PHKA1: variants seen among roughly 807,000 people sequenced by gnomAD.
The protein encoded by PHKA1 is phosphorylase kinase regulatory subunit alpha 1.
PHKA1 carries 60 observed loss-of-function variants against 110.2 expected under a neutral mutation model. The observed-to-expected ratio is 0.54, with a 90% CI of 0.44 to 0.68. The LOEUF is 0.68. PHKA1 is among the 30% of genes least tolerant of loss of function. The pLI is 0.00. For synonymous variants in PHKA1, 316 were observed against 333.6 expected (o/e 0.95, Z 0.58); for missense variants, 801 against 942.5 (o/e 0.85, Z 1.97).
intron 5 of PHKA1, among the ~76,000 whole-genome samples, chrX:72,683,143 G>A (rs1288897042): frequency 8.9e-6 from 1 of 111,757 alleles, no homozygotes; most frequent in African/African-American, 3.3e-5. Context: ...TGGTTAGTAA[G>A]AAGTGGAAAA....
At position 72,656,158 on chromosome X, in the gene PHKA1, A is replaced by C; in HGVS notation, c.1003T>G (p.Phe335Val). Residue 335 changes from phenylalanine to valine, a missense_variant, in exon 10 of 32, where the codon TTT becomes GTT. By Grantham distance (50) the Phe-to-Val change is conservative. Around this residue, in one of 2 missense-constraint regions of PHKA1, gnomAD observed 299 missense variants for 423.3 expected, o/e 0.71. Transcript: ENST00000373542. ...ECEWPLFWTY[F>V]ILDGVFSGNA... ...CCACTGAAGACCCCATCAAGAATAA[A>C]GTATGTCCAGAACAATGGCCATTCA... 1 of 1,210,213 alleles carries C rather than the reference A, an allele frequency of 8.3e-7. No individual in the cohort carries two copies. The highest frequency in any genetic ancestry group is 1.8e-5 in the South Asian group (1 of 56,961).
chrX:72,606,220 T>C (rs1437405780), intron 23 of PHKA1, among the ~76,000 whole-genome samples: 1 of 111,794 alleles, frequency 8.9e-6, no homozygotes, highest in African/African-American at 3.3e-5. Context: ...ATGTATTCCT[T>C]CTTTAACCAA....
chrX:72,697,520 G>GA (rs1225563742), intron 3 of PHKA1, among the ~76,000 whole-genome samples: 6 of 103,249 alleles, frequency 5.8e-5, no homozygotes, highest in Non-Finnish European at 9.9e-5. Flanking sequence ...TTTTCTTTGA[G>GA]AAAAAAAAAC....
At chrX:72,602,629 T>C (rs1433320543) in intron 26 of PHKA1, among the ~76,000 whole-genome samples, 1 of 112,091 alleles carries the variant, frequency 8.9e-6, no homozygotes, top group African/African-American at 3.2e-5. Context: ...GCATGAGAGA[T>C]GACCACTTTT....
intron 28 of PHKA1, among the ~76,000 whole-genome samples, chrX:72,594,904 A>G (rs782206232): frequency 2.7e-5 from 3 of 112,514 alleles, no homozygotes; most frequent in African/African-American, 6.4e-5. Context: ...GCTCTTCACA[A>G]TCTCTTCCAG....
intron 14 of PHKA1, among the ~76,000 whole-genome samples, chrX:72,644,018 A>T (rs1246175515): frequency 1.8e-5 from 2 of 111,976 alleles, no homozygotes; most frequent in Admixed American, 9.5e-5. Flanking sequence ...CCTAAAAACA[A>T]GTTCCTTGGC....
intron 4 of PHKA1, among the ~76,000 whole-genome samples, chrX:72,685,337 C>T (rs781908922): frequency 9.0e-6 from 1 of 111,303 alleles, no homozygotes; most frequent in East Asian, 2.8e-4. Context: ...TATCTCCCCC[C>T]TCAAACATAC....
chrX:72,638,309 G>A (rs781888507), intron 14 of PHKA1, among the ~76,000 whole-genome samples: 1 of 106,371 alleles, frequency 9.4e-6, no homozygotes, highest in Non-Finnish European at 1.9e-5. Context: ...AGAGACTAAG[G>A]TGGGAGGATC....
intron 2 of PHKA1, 22 bp downstream of exon 2, chrX:72,712,757 T>C (rs1428144400): frequency 2.5e-6 from 3 of 1,199,685 alleles, no homozygotes; most frequent in Non-Finnish European, 3.4e-6. Flanking sequence ...TCCAGATCTC[T>C]TTGTATTTTT....
intron 4 of PHKA1, among the ~76,000 whole-genome samples, chrX:72,693,490 G>A (rs1231818032): frequency 8.9e-6 from 1 of 112,131 alleles, no homozygotes; most frequent in Non-Finnish European, 1.9e-5. Context: ...AGAGCTAGTG[G>A]TGAGAACAGT....
intron 21 of PHKA1, among the ~76,000 whole-genome samples, chrX:72,615,850 T>C (rs2052889321): frequency 9.1e-6 from 1 of 109,897 alleles, no homozygotes; most frequent in Non-Finnish European, 1.9e-5. Flanking sequence ...AGTAAGCCCT[T>C]ACCTACCAAT....
At position 72,635,279 on chromosome X, in the gene PHKA1, G is replaced by A; in HGVS notation, c.1590C>T (p.Phe530=). The A allele has an allele frequency of 3.3e-6, 4 of 1,208,442 alleles. No homozygotes were observed. The highest frequency in any genetic ancestry group is 4.5e-6 in the Non-Finnish European group (4 of 892,820). The part of the protein sequence containing the change: ...FTPQFIDQQQ[F]YLALDNKMIV... ...TCATCTTGTTGTCCAGAGCCAGGTA[G>A]AACTGTTGCTGGTCTATAAACTGAG... The change falls in exon 16 of 32, where the codon TTC becomes TTT. Residue 530 remains phenylalanine (F), a synonymous_variant. Transcript: ENST00000373542.
chrX:72,588,605 C>T (rs781993203), intron 29 of PHKA1, among the ~76,000 whole-genome samples: 12 of 111,030 alleles, frequency 1.1e-4, no homozygotes, highest in Admixed American at 1.1e-3. Flanking sequence ...GACAGAGACA[C>T]AAAAAACCCT....
chrX:72,676,279 C>G lies in PHKA1; in HGVS notation c.538-129G>C, dbSNP rs1603268928. ...ATTTGCCATATATATATATATATAC[C>G]CACAATGCTTATTAAGGAGATGCTA... On this transcript the variant is annotated intron_variant, in intron 5 of 31. Coordinates refer to ENST00000373542, the MANE Select transcript of PHKA1 (RefSeq NM_002637.4). The G allele has an allele frequency of 1.7e-5, 7 of 418,404 alleles. No homozygotes were observed. In the East Asian group the frequency reaches 2.8e-4, roughly 17 times the overall value. 34.5% of individuals were successfully genotyped at this position (418,404 alleles called of 1,213,427 possible).
intron 12 of PHKA1, among the ~76,000 whole-genome samples, chrX:72,650,682 A>T (rs2053419193): frequency 8.9e-6 from 1 of 112,274 alleles, no homozygotes. Context: ...ATTGGCTGCC[A>T]CAAATGCTTT....
At chrX:72,642,451 G>A (rs782421116) in intron 14 of PHKA1, among the ~76,000 whole-genome samples, 18 of 111,940 alleles carry the variant, frequency 1.6e-4, no homozygotes, top group Non-Finnish European at 3.4e-4. Flanking sequence ...TTACAAAGAA[G>A]GTGACTGTAA....
chrX:72,678,188 C>T lies in PHKA1; in HGVS notation c.538-2038G>A, dbSNP rs150725718. ...CACTTTCATAAGAAGTCCTGGTTTA[C>T]TTGATCAGAAAATGAGAGTCAGAAT... On this transcript the variant is annotated intron_variant, in intron 5 of 31. Transcript: ENST00000373542. Among the ~76,000 whole-genome samples, 417 of 111,961 alleles carry T rather than the reference C, an allele frequency of 3.7e-3. 1 individual carries two copies. The highest frequency in any genetic ancestry group is 0.013 in the African/African-American group (405 of 30,853).
At chrX:72,654,120 T>C (rs1209383821) in intron 10 of PHKA1, among the ~76,000 whole-genome samples, 1 of 111,460 alleles carries the variant, frequency 9.0e-6, no homozygotes, top group African/African-American at 3.3e-5. Flanking sequence ...TTTGTTCCAA[T>C]GCTTCTGATA....
intron 14 of PHKA1, among the ~76,000 whole-genome samples, chrX:72,643,170 G>C (rs1347379724): frequency 9.0e-6 from 1 of 110,841 alleles, no homozygotes; most frequent in Non-Finnish European, 1.9e-5. Flanking sequence ...AAGGAGACTG[G>C]TTTTAAGCTG....
Sources: gnomAD v4.1 joint callset for allele counts (sites outside exome capture counted in the v4.1 genomes callset) on GRCh38, gnomAD v4.1.1 for gene constraint, gnomAD v4.1.1 regional missense constraint, MANE v1.5 for transcripts, NCBI Gene and HGNC (gene_info 2026-07-23, HGNC 2026-07-21) for gene names.